ILRUN: variants seen among roughly 807,000 people sequenced by gnomAD.
ILRUN encodes protein ILRUN.
Under a neutral mutation model 33.8 loss-of-function variants are expected in ILRUN, and 3 were observed. The observed-to-expected ratio is 0.09, with a 90% CI of 0.04 to 0.23. The LOEUF (loss-of-function observed/expected upper bound fraction) is 0.23, where lower values mean the gene tolerates loss of function less well. Among genes scored for constraint, ILRUN ranks in the 10% least tolerant of loss-of-function variants. The pLI is 1.00. For synonymous variants in ILRUN, 124 were observed against 138.9 expected (o/e 0.89, Z 0.75); for missense variants, 210 against 375.1 (o/e 0.56, Z 3.64).
intron 3 of ILRUN, among the ~76,000 whole-genome samples, chr6:34,612,483 T>G (rs185210086): frequency 4.2e-4 from 64 of 152,278 alleles, no homozygotes; most frequent in African/African-American, 1.5e-3. Context: ...CTGTAAATGT[T>G]ATCTCATTCA....
intron 3 of ILRUN, among the ~76,000 whole-genome samples, chr6:34,607,219 C>T (rs1027710462): frequency 6.6e-6 from 1 of 152,044 alleles, no homozygotes; most frequent in Non-Finnish European, 1.5e-5. Flanking sequence ...TTCCAGAGAA[C>T]GATCAATAGA....
chr6:34,676,439 T>C (rs903488441), intron 1 of ILRUN, among the ~76,000 whole-genome samples: 1 of 151,182 alleles, frequency 6.6e-6, no homozygotes, highest in Non-Finnish European at 1.5e-5. Context: ...GCTAGCTAGC[T>C]AGCTAGATAG....
intron 2 of ILRUN, among the ~76,000 whole-genome samples, chr6:34,651,749 T>TTA (rs202130755): frequency 0.012 from 1,660 of 139,690 alleles, 25 homozygotes; most frequent in East Asian, 0.05. Flanking sequence ...AAAAAAAAAA[T>TTA]TATATATATA....
chr6:34,650,279 G>T (rs1762633816), intron 2 of ILRUN, among the ~76,000 whole-genome samples: 1 of 152,028 alleles, frequency 6.6e-6, no homozygotes. Context: ...AGCTTCCAAT[G>T]CTTCCACAGT....
chr6:34,614,443 A>AAAAAAAAAAAATATAT (rs71000073), intron 3 of ILRUN, among the ~76,000 whole-genome samples: 2 of 133,596 alleles, frequency 1.5e-5, no homozygotes, highest in African/African-American at 6.2e-5. Context: ...AAAAAAAAAA[A>AAAAAAAAAAAATATAT]ATATATATAT....
At chr6:34,618,834 G>A (rs1306510766) in intron 3 of ILRUN, among the ~76,000 whole-genome samples, 6 of 152,208 alleles carry the variant, frequency 3.9e-5, no homozygotes, top group Admixed American at 3.9e-4. Context: ...GGAAGGAGAA[G>A]AGATGTATTC....
intron 2 of ILRUN, among the ~76,000 whole-genome samples, chr6:34,650,293 A>G (rs1311732881): frequency 6.6e-6 from 1 of 152,188 alleles, no homozygotes; most frequent in African/African-American, 2.4e-5. Context: ...CCACAGTGAC[A>G]GAAGTCTGAA....
At chr6:34,653,627 C>T (rs1207810879) in intron 2 of ILRUN, among the ~76,000 whole-genome samples, 2 of 152,086 alleles carry the variant, frequency 1.3e-5, no homozygotes, top group Non-Finnish European at 2.9e-5. Flanking sequence ...GACAGGATCT[C>T]GCTACATTGC....
At chr6:34,610,325 G>A (rs1761722754) in intron 3 of ILRUN, among the ~76,000 whole-genome samples, 1 of 152,164 alleles carries the variant, frequency 6.6e-6, no homozygotes, top group African/African-American at 2.4e-5. Context: ...CAGAGGACCT[G>A]TGTTCAAAGC....
chr6:34,690,755 C>T (rs1036054523), intron 1 of ILRUN, among the ~76,000 whole-genome samples: 16 of 148,082 alleles, frequency 1.1e-4, no homozygotes, highest in African/African-American at 3.5e-4. Context: ...CAAACACAAA[C>T]GAAAAAGGCT....
rs1762734461 is a variant in ILRUN, at chr6:34,654,618, T to C, written c.313+7A>G. Reference sequence around the variant, plus strand: ...AGGCAAGGGAGGATTGCCCATTATGTACTTACCAGAATTCTGGATCCGCCA... The same window carrying C: ...AGGCAAGGGAGGATTGCCCATTATGCACTTACCAGAATTCTGGATCCGCCA... On this transcript the variant is annotated splice_region_variant and intron_variant, in intron 2 of 4. Coordinates refer to ENST00000374023, the MANE Select transcript of ILRUN (RefSeq NM_024294.4). 3 of 1,608,996 alleles carry C rather than the reference T, an allele frequency of 1.9e-6. No individual in the cohort carries two copies.
At position 34,670,681 on chromosome 6, in the gene ILRUN, T is replaced by A. The variant is rs1763098138; in HGVS notation, c.159-15902A>T. Among the ~76,000 whole-genome samples the A allele has an allele frequency of 2.7e-5, 4 of 149,982 alleles. No individual in the cohort carries two copies. The South Asian group carries it at 8.4e-4, about 32-fold the overall frequency. On this transcript the variant is annotated intron_variant, in intron 1 of 4. Transcript: ENST00000374023. The stretch of plus-strand genomic sequence containing the variant: ...GCTTGGCCAACATGGTGAAACCCTG[T>A]CTCTACTAAAAAAAAAATACAAAAC...
At position 34,661,409 on chromosome 6, in the gene ILRUN, C is replaced by A. The variant is rs182768930; in HGVS notation, c.159-6630G>T. Among the ~76,000 whole-genome samples, 3 of 152,204 alleles carry A rather than the reference C, an allele frequency of 2.0e-5. No individual in the cohort carries two copies. In the East Asian group the frequency reaches 5.8e-4, roughly 29 times the overall value. ...GCACAAGGCTATACACTCTACAATT[C>A]TTTAAAATGTTCTGTAAGGGCTGGG... On this transcript the variant is annotated intron_variant, in intron 1 of 4. Transcript: ENST00000374023.
intron 1 of ILRUN, among the ~76,000 whole-genome samples, chr6:34,690,330 C>T (rs1394615429): frequency 3.3e-5 from 5 of 151,862 alleles, no homozygotes; most frequent in Admixed American, 6.6e-5. Context: ...GCGTGGTGGC[C>T]CACACGTGTA....
Position 34,614,654 on chromosome 6 carries a change from C to A in ILRUN, c.512-7750G>T, listed in dbSNP as rs1029099315. 6.0e-4 allele frequency among the ~76,000 whole-genome samples: 91 copies of A among 151,558 alleles called. 5 individuals carry two copies. The highest frequency in any genetic ancestry group is 2.8e-4 in the Non-Finnish European group (19 of 67,932). ...CTTAATTCTATACATCTCCCATTCC[C>A]TCCTTGAGAGTGGGCTAGCCTTGTG... On this transcript the variant is annotated intron_variant, in intron 3 of 4. Coordinates refer to ENST00000374023, the MANE Select transcript of ILRUN (RefSeq NM_024294.4).
intron 3 of ILRUN, among the ~76,000 whole-genome samples, chr6:34,614,500 AT>A (rs139197996): frequency 1.1e-4 from 15 of 133,176 alleles, no homozygotes; most frequent in African/African-American, 3.8e-4. Context: ...TATATATTAT[AT>A]TTTATATATA....
At chr6:34,656,451 T>C (rs1762773767) in intron 1 of ILRUN, among the ~76,000 whole-genome samples, 1 of 152,172 alleles carries the variant, frequency 6.6e-6, no homozygotes, top group Non-Finnish European at 1.5e-5. Flanking sequence ...TTCAGTAAGC[T>C]GCGTTCATTA....
Position 34,646,877 on chromosome 6 carries a change from G to C in ILRUN, c.314-79C>G, listed in dbSNP as rs747696656. ...TGCAGTTTATTATGAAACTGTAGAA[G>C]AGGCCTCTTTCTTTTTCTCACATAC... On this transcript the variant is annotated intron_variant, in intron 2 of 4. Transcript: ENST00000374023. The surrounding 1 kb of genome is among the most constrained non-coding windows in gnomAD (Gnocchi z 4.9). The C allele has an allele frequency of 6.0e-6, 8 of 1,329,544 alleles. No homozygotes were observed. The highest frequency in any genetic ancestry group is 8.5e-6 in the Non-Finnish European group (8 of 939,716). 82.4% of individuals were successfully genotyped at this position (1,329,544 alleles called of 1,614,324 possible). A position where few individuals can be genotyped will look rare whatever the true frequency, so the allele number is the denominator to read the frequency against.
At chr6:34,668,904 C>T (rs944009258) in intron 1 of ILRUN, among the ~76,000 whole-genome samples, 2 of 145,528 alleles carry the variant, frequency 1.4e-5, no homozygotes, top group Admixed American at 7.1e-5. Flanking sequence ...AGTGCAATGG[C>T]GTAATCTTGG....
Sources: allele counts gnomAD v4.1 joint callset (sites outside exome capture counted in the v4.1 genomes callset), GRCh38; gene constraint gnomAD v4.1.1; non-coding constraint Gnocchi (gnomAD v3.1); transcripts MANE v1.5; gene names NCBI Gene and HGNC (gene_info 2026-07-23, HGNC 2026-07-21).